The following TBCE variants were observed in gnomAD, a reference collection of about 807,000 sequenced individuals.
TBCE encodes tubulin-specific chaperone E.
Under a neutral mutation model 77.0 loss-of-function variants are expected in TBCE, and 53 were observed. The ratio of observed to expected loss-of-function variants is 0.69; its 90% confidence interval spans 0.55 to 0.87. TBCE has a LOEUF of 0.87. Ranked by LOEUF, TBCE falls within the 40% of genes least tolerant of loss-of-function variation. The probability of loss-of-function intolerance (pLI) is 0.00; values close to 1 mark genes in which losing one functional copy is unlikely to be tolerated. For synonymous variants in TBCE, 235 were observed against 241.3 expected (o/e 0.97, Z 0.24); for missense variants, 624 against 622.4 (o/e 1.00, Z -0.03).
chr1:235,445,667 A>G (rs2102946427), intron 15 of TBCE, among the ~76,000 whole-genome samples: 1 of 152,152 alleles, frequency 6.6e-6, no homozygotes, highest in East Asian at 1.9e-4. Flanking sequence ...AAACTGCAAT[A>G]TCTTTTTTTT....
rs561145719 is a variant in TBCE at position 235,428,027 on chromosome 1, C to CA, written c.560+795dup. On this transcript the variant is annotated intron_variant, in intron 6 of 16. Coordinates refer to ENST00000642610, the MANE Select transcript of TBCE (RefSeq NM_003193.5). Reference sequence around the variant, plus strand: ...CCTGGGTGATAGAGCAAGACTCCGTCAAAAAAACAAACAAGGGCCAGGCGC... The same window carrying CA: ...CCTGGGTGATAGAGCAAGACTCCGTCAAAAAAAACAAACAAGGGCCAGGCGC... Among the ~76,000 whole-genome samples the CA allele has an allele frequency of 1.5e-4, 22 of 148,888 alleles. No homozygotes were observed. The East Asian group carries it at 3.4e-3, about 23-fold the overall frequency.
chr1:235,393,872 G>A (rs1678558539), intron 2 of TBCE, among the ~76,000 whole-genome samples: 1 of 152,176 alleles, frequency 6.6e-6, no homozygotes, highest in Non-Finnish European at 1.5e-5. Context: ...CTTACTGACT[G>A]TTGCCTAGGG....
intron 6 of TBCE, chr1:235,429,410 T>C (rs1228524496): frequency 4.6e-5 from 7 of 152,174 alleles, no homozygotes; most frequent in Non-Finnish European, 8.8e-5. Flanking sequence ...ATGAGTTAGA[T>C]TTTCATTGAA....
intron 1 of TBCE, among the ~76,000 whole-genome samples, chr1:235,373,322 A>C (rs1046866065): frequency 2.0e-5 from 3 of 152,234 alleles, no homozygotes; most frequent in African/African-American, 7.2e-5. Flanking sequence ...TAAACATTTA[A>C]ATTTTATGAT....
intron 2 of TBCE, among the ~76,000 whole-genome samples, chr1:235,400,439 C>T (rs1679029957): frequency 2.2e-5 from 2 of 91,032 alleles, no homozygotes; most frequent in South Asian, 3.2e-4. Flanking sequence ...CTCGCCCTGT[C>T]GCCTAGGCTG....
At chr1:235,402,338 A>C (rs1250705703) in intron 3 of TBCE, among the ~76,000 whole-genome samples, 2 of 152,086 alleles carry the variant, frequency 1.3e-5, no homozygotes, top group Admixed American at 6.6e-5. Context: ...CTGGGATTAC[A>C]GGTGTGAGCC....
chr1:235,430,851 A>T, intron 7 of TBCE, 47 bp downstream of exon 7: 2 of 1,519,362 alleles, frequency 1.3e-6, no homozygotes, highest in South Asian at 1.1e-5. Context: ...GCAATTAAAA[A>T]TGTTTGGTTT....
chr1:235,441,467 AG>A, intron 13 of TBCE: 1 of 290,848 alleles, frequency 3.4e-6, no homozygotes, highest in East Asian at 8.5e-5. Context: ...ATTTGAAGGC[AG>A]TCTTCTCTTG....
chr1:235,440,131 C>T (rs1451088124), intron 13 of TBCE, among the ~76,000 whole-genome samples: 3 of 152,062 alleles, frequency 2.0e-5, no homozygotes, highest in East Asian at 1.9e-4. Context: ...CCACCACACC[C>T]GGCTAATTTT....
chr1:235,383,309 G>C (rs1378457792), intron 2 of TBCE, among the ~76,000 whole-genome samples: 1 of 151,938 alleles, frequency 6.6e-6, no homozygotes, highest in Non-Finnish European at 1.5e-5. Context: ...GCTCTTTTTT[G>C]GTTCTATATG....
At chr1:235,404,861 C>T (rs1450106352) in intron 3 of TBCE, among the ~76,000 whole-genome samples, 1 of 151,748 alleles carries the variant, frequency 6.6e-6, no homozygotes, top group East Asian at 1.9e-4. Context: ...GGGATTTCAC[C>T]ATGTTGGCCA....
In TBCE at chr1:235,447,467, G is replaced by A. The variant is rs187514713; in HGVS notation, c.1400-882G>A. On this transcript the variant is annotated intron_variant, in intron 15 of 16. Transcript: ENST00000642610. ...TCTGAACAAACCAAAGCATTTACTC[G>A]GAAGTTACATTCCCATGCCTGGCAG... is the stretch of plus-strand genomic sequence containing the variant. Among the ~76,000 whole-genome samples, 11 of 152,238 alleles carry A rather than the reference G, an allele frequency of 7.2e-5. No individual in the cohort carries two copies. The East Asian group carries it at 7.7e-4, about 11-fold the overall frequency.
At chr1:235,389,748 A>C (rs1226437391) in intron 2 of TBCE, among the ~76,000 whole-genome samples, 1 of 152,228 alleles carries the variant, frequency 6.6e-6, no homozygotes, top group Non-Finnish European at 1.5e-5. Flanking sequence ...TGTTATGACA[A>C]CTAAATCAGT....
At chr1:235,436,974 G>A (rs373199413) in intron 11 of TBCE, among the ~76,000 whole-genome samples, 1 of 150,436 alleles carries the variant, frequency 6.6e-6, no homozygotes, top group Non-Finnish European at 1.5e-5. Flanking sequence ...AAAAAAAATC[G>A]CAAAATTAAC....
At chr1:235,444,563 C>T in intron 15 of TBCE, among the ~76,000 whole-genome samples, 1 of 152,086 alleles carries the variant, frequency 6.6e-6, no homozygotes, top group Non-Finnish European at 1.5e-5. Context: ...ACCACCACAC[C>T]CCGCTAATTT....
At chr1:235,437,824 T>TA (rs746812435) in intron 12 of TBCE, among the ~76,000 whole-genome samples, 154 of 137,414 alleles carry the variant, frequency 1.1e-3, no homozygotes, top group Middle Eastern at 3.6e-3. Context: ...TGTCTTAATT[T>TA]AAAAAAAAAA....
rs1226347591 is a variant in TBCE, at chr1:235,430,775, CTCAA to C, written c.636_639del (p.Asn212LysfsTer4). ...GCTTTCTGTACTGAAGGTTTTAGTC[CTCAA>C]TCAAACAGGAATAACGTGGGCTGAG... On this transcript the variant is annotated frameshift_variant, in exon 7 of 17. Coordinates refer to ENST00000642610, the MANE Select transcript of TBCE (RefSeq NM_003193.5). LOFTEE classifies it high-confidence loss of function. 6.2e-6 allele frequency: 10 copies of C among 1,613,528 alleles called. No individual in the cohort carries two copies. The highest frequency in any genetic ancestry group is 8.5e-6 in the Non-Finnish European group (10 of 1,179,804).
At chr1:235,428,497 G>C (rs1478805113) in intron 6 of TBCE, among the ~76,000 whole-genome samples, 1 of 152,012 alleles carries the variant, frequency 6.6e-6, no homozygotes, top group East Asian at 1.9e-4. Flanking sequence ...TTCCTGGTGG[G>C]AGAAGAGGAA....
At chr1:235,444,036 A>T (rs1682076148) in intron 15 of TBCE, among the ~76,000 whole-genome samples, 1 of 152,238 alleles carries the variant, frequency 6.6e-6, no homozygotes, top group African/African-American at 2.4e-5. Context: ...AATGAAATAC[A>T]CATCAGCTTA....
Sources: allele counts gnomAD v4.1 joint callset (sites outside exome capture counted in the v4.1 genomes callset), GRCh38; gene constraint gnomAD v4.1.1; transcripts MANE v1.5; gene names NCBI Gene and HGNC (gene_info 2026-07-23, HGNC 2026-07-21).